KCNMA1: variants seen among roughly 807,000 people sequenced by gnomAD.
KCNMA1 encodes potassium calcium-activated channel subfamily M alpha 1, also known as Calcium-activated potassium channel subunit alpha-1.
KCNMA1 carries 29 observed loss-of-function variants against 140.0 expected under a neutral mutation model. That is an observed-to-expected ratio of 0.21 (90% CI 0.15 to 0.28). The LOEUF is 0.28. Ranked by LOEUF, KCNMA1 falls within the 10% of genes least tolerant of loss-of-function variation. The pLI is 1.00. For missense variants in KCNMA1, 880 were observed against 1,602.2 expected (o/e 0.55, Z 7.70); for synonymous variants, 612 against 611.9 (o/e 1.00, Z 0.00).
At chr10:77,044,400 T>C (rs893732916) in intron 14 of KCNMA1, among the ~76,000 whole-genome samples, 1 of 151,860 alleles carries the variant, frequency 6.6e-6, no homozygotes, top group South Asian at 2.1e-4. Flanking sequence ...CACACCTGTA[T>C]CCCAGCACTT....
chr10:77,540,848 CA>C (rs1050928245), intron 1 of KCNMA1, among the ~76,000 whole-genome samples: 5 of 151,424 alleles, frequency 3.3e-5, no homozygotes, highest in East Asian at 1.9e-4. Context: ...TAAAAATACA[CA>C]AAAAAAATAG....
chr10:77,627,338 T>C (rs1442818920), intron 1 of KCNMA1, among the ~76,000 whole-genome samples: 1 of 152,088 alleles, frequency 6.6e-6, no homozygotes, highest in Admixed American at 6.5e-5. Flanking sequence ...GGGCTAAACC[T>C]TGGAGATACA....
At chr10:77,555,064 ACG>A (rs1491587962) in intron 1 of KCNMA1, among the ~76,000 whole-genome samples, 1 of 151,864 alleles carries the variant, frequency 6.6e-6, no homozygotes, top group Non-Finnish European at 1.5e-5. Flanking sequence ...ACATACACAC[ACG>A]CACGCACACC....
intron 1 of KCNMA1, among the ~76,000 whole-genome samples, chr10:77,519,950 A>G (rs573324532): frequency 6.6e-6 from 1 of 151,614 alleles, no homozygotes; most frequent in South Asian, 2.1e-4. Flanking sequence ...GAGGGTATGC[A>G]GTGTGAGGTC....
chr10:76,970,219 T>C, intron 19 of KCNMA1, 152 bp from the exon 20 acceptor site: 1 of 703,760 alleles, frequency 1.4e-6, no homozygotes, highest in Non-Finnish European at 2.6e-6. Flanking sequence ...ACCAAATGTG[T>C]TAGTCAAAGA....
rs187735923 is a variant in KCNMA1, at chr10:77,155,362, T to C, written c.808+28059A>G. On this transcript the variant is annotated intron_variant, in intron 5 of 27. Transcript: ENST00000286628. ...TCTGTAATCATTTTTAAATCACTCA[T>C]TTTATTCCCACAACACCTTACATGC... is the stretch of plus-strand genomic sequence containing the variant. Among the ~76,000 whole-genome samples, 10 of 152,366 alleles carry C rather than the reference T, an allele frequency of 6.6e-5. No homozygotes were observed. The East Asian group carries it at 1.9e-3, about 29-fold the overall frequency.
intron 1 of KCNMA1, among the ~76,000 whole-genome samples, chr10:77,458,537 T>C (rs2097796512): frequency 6.6e-6 from 1 of 152,244 alleles, no homozygotes; most frequent in Non-Finnish European, 1.5e-5. Context: ...TGGTAGAGAT[T>C]TCAGTGCAAA....
intron 13 of KCNMA1, chr10:77,077,750 C>A (rs1247308230): frequency 1.3e-5 from 2 of 152,242 alleles, no homozygotes; most frequent in African/African-American, 4.8e-5. Context: ...TGTCACTAGT[C>A]ACAGCCTTGC....
chr10:77,063,854 A>T (rs1242569083), intron 14 of KCNMA1: 1 of 985,324 alleles, frequency 1.0e-6, no homozygotes, highest in East Asian at 1.1e-4. Context: ...GCAATTAATT[A>T]AAGGCCAATT....
chr10:77,478,934 T>C (rs612732), intron 1 of KCNMA1, among the ~76,000 whole-genome samples: 120,654 of 152,242 alleles, frequency 0.79, 48,084 homozygotes, highest in East Asian at 0.9. Flanking sequence ...GATAACGTAA[T>C]GTTAAGAAGA....
chr10:77,017,934 G>A (rs1458163086), intron 17 of KCNMA1, among the ~76,000 whole-genome samples: 1 of 152,160 alleles, frequency 6.6e-6, no homozygotes, highest in Non-Finnish European at 1.5e-5. Context: ...GTGCTGGGGT[G>A]TAATAAACCC....
At chr10:77,041,064 C>G (rs1400691670) in intron 14 of KCNMA1, among the ~76,000 whole-genome samples, 4 of 152,088 alleles carry the variant, frequency 2.6e-5, no homozygotes, top group Non-Finnish European at 5.9e-5. Context: ...TCACTGCAAT[C>G]TCTGCCCCCT....
intron 2 of KCNMA1, among the ~76,000 whole-genome samples, chr10:77,298,281 C>A (rs566114773): frequency 6.6e-6 from 1 of 152,122 alleles, no homozygotes; most frequent in Admixed American, 6.5e-5. Flanking sequence ...TCACTCTCAA[C>A]GCCCAGGCTG....
chr10:77,439,035 C>A (rs2097324815), intron 1 of KCNMA1, among the ~76,000 whole-genome samples: 1 of 151,606 alleles, frequency 6.6e-6, no homozygotes, highest in Admixed American at 6.6e-5. Flanking sequence ...CATGCCACTG[C>A]ACTCCAGCCT....
chr10:77,588,770 G>C (rs973574700), intron 1 of KCNMA1, among the ~76,000 whole-genome samples: 1 of 152,234 alleles, frequency 6.6e-6, no homozygotes, highest in African/African-American at 2.4e-5. Context: ...GGGGAAGCCA[G>C]AACAGCCATG....
chr10:77,573,688 G>C (rs1389138221), intron 1 of KCNMA1, among the ~76,000 whole-genome samples: 1 of 150,170 alleles, frequency 6.7e-6, no homozygotes, highest in Non-Finnish European at 1.5e-5. Flanking sequence ...GAATAGAATA[G>C]AATAGAATAG....
chr10:77,422,129 C>G (rs1365533270), intron 1 of KCNMA1, among the ~76,000 whole-genome samples: 1 of 152,242 alleles, frequency 6.6e-6, no homozygotes, highest in African/African-American at 2.4e-5. Flanking sequence ...AAATAACTTT[C>G]TTCTTTAACC....
intron 23 of KCNMA1, among the ~76,000 whole-genome samples, chr10:76,940,158 T>A (rs1185030657): frequency 6.6e-6 from 1 of 152,228 alleles, no homozygotes; most frequent in Non-Finnish European, 1.5e-5. Flanking sequence ...AACTGTCACA[T>A]CGGATATACC....
chr10:77,159,492 G>A (rs1477090287), intron 5 of KCNMA1, among the ~76,000 whole-genome samples: 1 of 152,150 alleles, frequency 6.6e-6, no homozygotes, highest in African/African-American at 2.4e-5. Context: ...ACATAACGAA[G>A]TGACCTTGGA....
Sources: gnomAD v4.1 joint callset for allele counts (sites outside exome capture counted in the v4.1 genomes callset) on GRCh38, gnomAD v4.1.1 for gene constraint, MANE v1.5 for transcripts, NCBI Gene and HGNC (gene_info 2026-07-23, HGNC 2026-07-21) for gene names.